GMDS: variants seen among roughly 807,000 people sequenced by gnomAD.
GMDS encodes the protein GDP-mannose 4,6-dehydratase.
Under a neutral mutation model 49.9 loss-of-function variants are expected in GMDS, and 20 were observed. That is an observed-to-expected ratio of 0.40 (90% CI 0.28 to 0.58). GMDS has a LOEUF of 0.58. GMDS is among the 20% of genes least tolerant of loss of function. The probability of loss-of-function intolerance (pLI) is 0.42; values close to 1 mark genes in which losing one functional copy is unlikely to be tolerated. For missense variants in GMDS, 362 were observed against 481.4 expected (o/e 0.75, Z 2.32); for synonymous variants, 177 against 178.6 (o/e 0.99, Z 0.07).
intron 4 of GMDS, among the ~76,000 whole-genome samples, chr6:1,978,025 T>G (rs1309976403): frequency 2.0e-5 from 3 of 152,210 alleles, no homozygotes; most frequent in African/African-American, 7.2e-5. Flanking sequence ...TAAGACCTAC[T>G]GTCTTGGAAT....
chr6:2,104,152 GCCCTACTGC>G (rs1774087519), intron 4 of GMDS, among the ~76,000 whole-genome samples: 1 of 152,042 alleles, frequency 6.6e-6, no homozygotes, highest in Non-Finnish European at 1.5e-5. Context: ...CTTCCCTCTG[GCCCTACTGC>G]CCCTCAGCCC....
At chr6:1,779,255 G>A (rs908243653) in intron 7 of GMDS, among the ~76,000 whole-genome samples, 2 of 152,110 alleles carry the variant, frequency 1.3e-5, no homozygotes, top group Non-Finnish European at 2.9e-5. Flanking sequence ...TCTGAGCCCA[G>A]GCCCAGTTCT....
intron 4 of GMDS, among the ~76,000 whole-genome samples, chr6:2,047,075 T>G (rs1200043618): frequency 1.3e-5 from 2 of 152,184 alleles, no homozygotes; most frequent in East Asian, 3.9e-4. Context: ...GAGTACAAAT[T>G]TTACTTTTTA....
chr6:2,183,173 T>C (rs1369700557), intron 1 of GMDS, among the ~76,000 whole-genome samples: 1 of 152,222 alleles, frequency 6.6e-6, no homozygotes, highest in Non-Finnish European at 1.5e-5. Context: ...TCAGTCTTAT[T>C]ATTTAAGAAA....
At chr6:1,989,552 T>C (rs1765792037) in intron 4 of GMDS, among the ~76,000 whole-genome samples, 2 of 152,180 alleles carry the variant, frequency 1.3e-5, no homozygotes, top group Non-Finnish European at 2.9e-5. Context: ...TGCAGATTTG[T>C]AAGGAAAAAT....
At position 1,722,932 on chromosome 6, in the gene GMDS, C is replaced by T. The variant is rs76268473; in HGVS notation, c.987+3484G>A. 3.4e-4 allele frequency among the ~76,000 whole-genome samples: 51 copies of T among 152,228 alleles called. No individual in the cohort carries two copies. The East Asian group carries it at 6.6e-3, about 20-fold the overall frequency. ...GATGGAAAATTTAAAGTCTAATTTC[C>T]AGGATCAGGCTCTCTGTGGTAACAA... On this transcript the variant is annotated intron_variant, in intron 9 of 10. Coordinates refer to ENST00000380815, the MANE Select transcript of GMDS (RefSeq NM_001500.4).
intron 4 of GMDS, among the ~76,000 whole-genome samples, chr6:2,038,456 C>T (rs1206279530): frequency 6.6e-6 from 1 of 152,158 alleles, no homozygotes; most frequent in East Asian, 1.9e-4. Flanking sequence ...GCCTTCACTC[C>T]TGGTCCCCAC....
chr6:1,960,080 A>G (rs765316628), intron 5 of GMDS, 109 bp from the exon 6 acceptor site: 8 of 569,774 alleles, frequency 1.4e-5, no homozygotes, highest in Non-Finnish European at 2.5e-5. Flanking sequence ...AATGCATCCA[A>G]ATACAAAAAA....
intron 1 of GMDS, among the ~76,000 whole-genome samples, chr6:2,201,566 G>A (rs1426302331): frequency 7.8e-6 from 1 of 127,746 alleles, no homozygotes; most frequent in Non-Finnish European, 1.7e-5. Context: ...TCTAGGCAGT[G>A]AGGGCAGCAT....
intron 4 of GMDS, among the ~76,000 whole-genome samples, chr6:2,001,719 T>TC (rs1383143215): frequency 6.6e-6 from 1 of 151,974 alleles, no homozygotes; most frequent in Non-Finnish European, 1.5e-5. Context: ...GAAACATGAG[T>TC]CCAGAAAAAA....
chr6:1,914,309 AG>A (rs1251563093), intron 7 of GMDS, among the ~76,000 whole-genome samples: 1 of 151,226 alleles, frequency 6.6e-6, no homozygotes, highest in African/African-American at 2.4e-5. Context: ...ACAAAAAGTT[AG>A]CCTGGCGTGG....
chr6:1,974,627 A>C (rs1198591569), intron 4 of GMDS, among the ~76,000 whole-genome samples: 1 of 152,140 alleles, frequency 6.6e-6, no homozygotes, highest in Non-Finnish European at 1.5e-5. Flanking sequence ...AGACAAACTA[A>C]AATGTCGACA....
intron 1 of GMDS, among the ~76,000 whole-genome samples, chr6:2,155,244 C>G (rs1777055413): frequency 6.6e-6 from 1 of 152,122 alleles, no homozygotes; most frequent in South Asian, 2.1e-4. Flanking sequence ...TATCTACAAC[C>G]AAGTTTATCT....
chr6:1,669,617 C>A (rs1242688283), intron 9 of GMDS, among the ~76,000 whole-genome samples: 1 of 152,110 alleles, frequency 6.6e-6, no homozygotes, highest in Admixed American at 6.5e-5. Flanking sequence ...GGCTTGGCAT[C>A]AAGAGCTGTC....
chr6:1,857,868 T>G (rs1758006079), intron 7 of GMDS, among the ~76,000 whole-genome samples: 1 of 152,192 alleles, frequency 6.6e-6, no homozygotes, highest in South Asian at 2.1e-4. Flanking sequence ...CAAAATATAC[T>G]AAGGTAGTTG....
chr6:2,206,832 T>A (rs541675531), intron 1 of GMDS, among the ~76,000 whole-genome samples: 1 of 152,174 alleles, frequency 6.6e-6, no homozygotes, highest in African/African-American at 2.4e-5. Context: ...TATATTTGTT[T>A]AGGAACAGTA....
intron 7 of GMDS, among the ~76,000 whole-genome samples, chr6:1,751,493 A>ATTTG (rs373143232): frequency 5.6e-4 from 85 of 152,102 alleles, no homozygotes; most frequent in African/African-American, 1.8e-3. Flanking sequence ...CTGTTTTTTC[A>ATTTG]TTTGTTTGTT....
At chr6:1,996,581 T>C (rs959365545) in intron 4 of GMDS, among the ~76,000 whole-genome samples, 2 of 152,166 alleles carry the variant, frequency 1.3e-5, no homozygotes, top group African/African-American at 4.8e-5. Flanking sequence ...TTTTTTTCTA[T>C]ATATTTCTCC....
intron 4 of GMDS, among the ~76,000 whole-genome samples, chr6:2,064,896 T>C (rs1255838965): frequency 6.6e-6 from 1 of 152,166 alleles, no homozygotes; most frequent in African/African-American, 2.4e-5. Context: ...AACCCAATAG[T>C]ACTGTTATGG....
Sources: allele counts gnomAD v4.1 joint callset (sites outside exome capture counted in the v4.1 genomes callset), GRCh38; gene constraint gnomAD v4.1.1; transcripts MANE v1.5; gene names NCBI Gene and HGNC (gene_info 2026-07-23, HGNC 2026-07-21).